PABPC1: variants seen among roughly 807,000 people sequenced by gnomAD.
PABPC1 encodes polyadenylate-binding protein 1.
A neutral mutation model predicts 74.0 loss-of-function variants in PABPC1; 4 were observed. The ratio of observed to expected loss-of-function variants is 0.05; its 90% CI spans 0.03 to 0.12. The LOEUF (loss-of-function observed/expected upper bound fraction) is 0.12, where lower values mean the gene tolerates loss of function less well. PABPC1 is among the 10% of genes least tolerant of loss of function. The pLI is 1.00. For missense variants in PABPC1, 271 were observed against 821.1 expected (o/e 0.33, Z 8.19); for synonymous variants, 227 against 264.1 (o/e 0.86, Z 1.36).
intron 3 of PABPC1, 53 bp from the exon 4 acceptor site, chr8:100,715,654 A>C: frequency 7.4e-7 from 1 of 1,353,136 alleles, no homozygotes; most frequent in Non-Finnish European, 1.0e-6. Flanking sequence ...TAAAGTTCAG[A>C]TTAAGTAAGC....
In PABPC1 at chr8:100,718,093, T is replaced by G; in HGVS notation, c.381A>C (p.Ser127=). 2 of 1,613,298 alleles carry G rather than the reference T, an allele frequency of 1.2e-6. No individual in the cohort carries two copies. Among genetic ancestry groups the G allele is most frequent in the Non-Finnish European group, 1.7e-6 (2 of 1,179,248 alleles). The change falls in exon 2 of 15, where the codon TCA becomes TCC. Residue 127 remains serine, a synonymous_variant. Coordinates refer to ENST00000318607, the MANE Select transcript of PABPC1 (RefSeq NM_002568.4). ...DTFSAFGNIL[S]CKVVCDENGS... ...TCGGACATTTTTGGCTTACCTTACATGAAAGGATGTTACCAAAAGCAGAAA... is the reference window on the plus strand; with the variant it reads ...TCGGACATTTTTGGCTTACCTTACAGGAAAGGATGTTACCAAAAGCAGAAA...
intron 6 of PABPC1, 86 bp from the exon 7 acceptor site, chr8:100,712,543 T>C (rs763365773): frequency 1.4e-5 from 20 of 1,468,440 alleles, no homozygotes; most frequent in Admixed American, 6.3e-5. Context: ...CCCATATTTC[T>C]TCTCCTATTC....
In PABPC1 at chr8:100,717,815, G is replaced by C. The variant is rs113614781; in HGVS notation, c.461C>G (p.Ala154Gly). ...GAGCATTCCATTCATTTTTTCAATA[G>C]CTCTTTCAGCTGCTTCCTGCGTCTC... ...HFETQEAAER[A>G]IEKMNGMLLN... The change falls in exon 3 of 15, where the codon GCT becomes GGT. Residue 154 changes from alanine to glycine, a missense_variant. By Grantham distance (60) the Ala-to-Gly change is moderately conservative (BLOSUM62 0). Transcript: ENST00000318607. 0.02 allele frequency: 26,398 copies of C among 1,349,604 alleles called. No individual in the cohort carries two copies. Among genetic ancestry groups the C allele is most frequent in the Admixed American group, 0.068 (3,235 of 47,326 alleles). 83.6% of individuals were successfully genotyped at this position (1,349,604 alleles called of 1,614,324 possible). A position where few individuals can be genotyped will look rare whatever the true frequency, so the allele number is the denominator to read the frequency against.
chr8:100,703,259 T>G lies in PABPC1; in HGVS notation c.*102A>C, dbSNP rs1202828181. Reference sequence around the variant, plus strand: ...TTTCCTTTCCTTTTTTTATTTATTTTATATTTTGCAATGTTTTTTTTCCAT... The same window carrying G: ...TTTCCTTTCCTTTTTTTATTTATTTGATATTTTGCAATGTTTTTTTTCCAT... On this transcript the variant is annotated 3_prime_UTR_variant, in exon 15 of 15. Transcript: ENST00000318607. 1 of 167,192 alleles carries G rather than the reference T, an allele frequency of 6.0e-6. No individual in the cohort carries two copies. Among genetic ancestry groups the G allele is most frequent in the African/African-American group, 2.4e-5 (1 of 41,506 alleles). The allele number at this position is 167,192 out of a possible 1,614,324, so 10.4% of individuals were successfully genotyped here.
At chr8:100,713,027 T>TC in intron 5 of PABPC1, 60 bp downstream of exon 5, 1 of 1,243,392 alleles carries the variant, frequency 8.0e-7, no homozygotes, top group African/African-American at 1.5e-5. Context: ...CACATAGACT[T>TC]CAACACAAGA....
chr8:100,718,353 T>C (rs1179127692), intron 1 of PABPC1, 73 bp from the exon 2 acceptor site: 8 of 1,219,452 alleles, frequency 6.6e-6, no homozygotes, highest in East Asian at 2.5e-5. Flanking sequence ...ATATAAACTA[T>C]GGTGACTGGA....
At chr8:100,720,534 C>A (rs1003180668) in intron 1 of PABPC1, among the ~76,000 whole-genome samples, 1 of 152,108 alleles carries the variant, frequency 6.6e-6, no homozygotes, top group African/African-American at 2.4e-5. Context: ...AAGAAAAGCC[C>A]CTCAAAACGA....
At chr8:100,704,217 C>T in intron 14 of PABPC1, 80 bp downstream of exon 14, 1 of 1,073,850 alleles carries the variant, frequency 9.3e-7, no homozygotes, top group South Asian at 1.3e-5. Flanking sequence ...TTGCTATGTA[C>T]ATTTCAAAAT....
intron 3 of PABPC1, among the ~76,000 whole-genome samples, chr8:100,716,283 C>G (rs3104313): frequency 3.3e-5 from 5 of 152,044 alleles, no homozygotes; most frequent in Admixed American, 1.3e-4. Context: ...CACCTGTAAT[C>G]CCACCTACTT....
At chr8:100,710,628 A>G (rs556432702) in intron 7 of PABPC1, among the ~76,000 whole-genome samples, 1 of 152,364 alleles carries the variant, frequency 6.6e-6, no homozygotes, top group Admixed American at 6.5e-5. Flanking sequence ...AAACCTTTCT[A>G]AGATGACACA....
rs1254615655 is a variant in PABPC1 at position 100,717,547 on chromosome 8, T to A, written c.503+226A>T. Among the ~76,000 whole-genome samples the A allele has an allele frequency of 3.3e-5, 5 of 152,370 alleles. No homozygotes were observed. In the East Asian group the frequency reaches 9.6e-4, roughly 29 times the overall value. On this transcript the variant is annotated intron_variant, in intron 3 of 14. Coordinates refer to ENST00000318607, the MANE Select transcript of PABPC1 (RefSeq NM_002568.4). Reference sequence around the variant, plus strand: ...TTATATTAAACCTGTTATTTGTATGTTACACTTACTGTGTAGAAAATTCAA... The same window carrying A: ...TTATATTAAACCTGTTATTTGTATGATACACTTACTGTGTAGAAAATTCAA...
intron 6 of PABPC1, 36 bp downstream of exon 6, chr8:100,712,616 C>T: frequency 6.3e-7 from 1 of 1,589,806 alleles, no homozygotes; most frequent in Non-Finnish European, 8.5e-7. Flanking sequence ...GTTTCCTCAT[C>T]CCTGTCTTAT....
chr8:100,711,802 C>A (rs1278533737), intron 7 of PABPC1, among the ~76,000 whole-genome samples: 2 of 152,218 alleles, frequency 1.3e-5, no homozygotes, highest in Non-Finnish European at 2.9e-5. Flanking sequence ...TCTATGCACT[C>A]TTCCCCAACC....
intron 3 of PABPC1, among the ~76,000 whole-genome samples, chr8:100,716,643 G>T (rs73280430): frequency 0.019 from 2,921 of 152,312 alleles, 102 homozygotes; most frequent in African/African-American, 0.066. Flanking sequence ...CTCAAAGGGA[G>T]CGTATTTCAT....
rs1187085388 is a variant in PABPC1, at chr8:100,718,073, C to T, written c.387+14G>A. 6.3e-7 allele frequency: 1 copy of T among 1,584,650 alleles called. No individual in the cohort carries two copies. Among genetic ancestry groups the T allele is most frequent in the African/African-American group, 1.3e-5 (1 of 74,220 alleles). ...CAACAATGTAAACATGTGTATCGGA[C>T]ATTTTTGGCTTACCTTACATGAAAG... is the stretch of plus-strand genomic sequence containing the variant. On this transcript the variant is annotated intron_variant, in intron 2 of 14. Coordinates refer to ENST00000318607, the MANE Select transcript of PABPC1 (RefSeq NM_002568.4).
At chr8:100,708,665 C>T (rs1810445302) in intron 9 of PABPC1, among the ~76,000 whole-genome samples, 1 of 152,042 alleles carries the variant, frequency 6.6e-6, no homozygotes, top group South Asian at 2.1e-4. Context: ...GACCTGAGAT[C>T]AGGAGCTCAA....
In PABPC1 at chr8:100,721,048, G is replaced by A. The variant is rs1810811481; in HGVS notation, c.193+343C>T. On this transcript the variant is annotated intron_variant, in intron 1 of 14. Coordinates refer to ENST00000318607, the MANE Select transcript of PABPC1 (RefSeq NM_002568.4). The surrounding 1 kb of genome is among the most constrained non-coding windows in gnomAD (Gnocchi z 7.4). Reference sequence around the variant, plus strand: ...CTCTTACCCACGGAAGGAGCTCAGCGTTCAACGCCCCAGAATCCCGGGGCC... The same window carrying A: ...CTCTTACCCACGGAAGGAGCTCAGCATTCAACGCCCCAGAATCCCGGGGCC... 6.6e-6 allele frequency among the ~76,000 whole-genome samples: 1 copy of A among 152,220 alleles called. No individual in the cohort carries two copies. Among genetic ancestry groups the A allele is most frequent in the African/African-American group, 2.4e-5 (1 of 41,454 alleles).
chr8:100,713,990 C>T (rs1014974820), intron 4 of PABPC1, among the ~76,000 whole-genome samples: 20 of 152,268 alleles, frequency 1.3e-4, no homozygotes, highest in African/African-American at 4.1e-4. Context: ...TTTCTGAAGA[C>T]ATGTTTTCCC....
In PABPC1 at chr8:100,717,899, AC is replaced by A; in HGVS notation, c.388-12del. 1.3e-6 allele frequency: 2 copies of A among 1,563,898 alleles called. No homozygotes were observed. ...TTCATCACAAACCACCTAGGGAAAAACATATACCCATTTTTCTTTATTTGCT... is the reference window on the plus strand; with the variant it reads ...TTCATCACAAACCACCTAGGGAAAAAATATACCCATTTTTCTTTATTTGCT... On this transcript the variant is annotated splice_polypyrimidine_tract_variant and intron_variant, in intron 2 of 14. Transcript: ENST00000318607.
Sources: gnomAD v4.1 joint callset for allele counts (sites outside exome capture counted in the v4.1 genomes callset) on GRCh38, gnomAD v4.1.1 for gene constraint, Gnocchi (gnomAD v3.1) non-coding constraint, MANE v1.5 for transcripts, NCBI Gene and HGNC (gene_info 2026-07-23, HGNC 2026-07-21) for gene names.